Variants in CEP290 observed in about 807,000 individuals in gnomAD.
The protein encoded by CEP290 is centrosomal protein 290.
A neutral mutation model predicts 344.9 loss-of-function variants in CEP290; 317 were observed. That is an observed-to-expected ratio of 0.92 (90% CI 0.84 to 1.01). The LOEUF is 1.01. CEP290 is among the 50% of genes least tolerant of loss of function. The pLI, the probability that CEP290 is intolerant of heterozygous loss-of-function variation, is 0.00. For missense variants in CEP290, 2,754 were observed against 2,761.4 expected (o/e 1.00, Z 0.06); for synonymous variants, 932 against 895.8 (o/e 1.04, Z -0.72).
chr12:88,123,058 C>CT (rs1210724546), intron 13 of CEP290, among the ~76,000 whole-genome samples: 3 of 152,046 alleles, frequency 2.0e-5, no homozygotes, highest in African/African-American at 7.2e-5. Context: ...TCTATACACT[C>CT]TACCTTCTTT....
intron 20 of CEP290, 60 bp from the exon 21 acceptor site, chr12:88,111,918 AAC>A: frequency 5.7e-6 from 7 of 1,226,036 alleles, no homozygotes; most frequent in Non-Finnish European, 7.7e-6. Context: ...CATAGTAAAA[AAC>A]AGTCTGTCTT....
intron 38 of CEP290, 67 bp from the exon 39 acceptor site, chr12:88,079,296 T>C: frequency 8.0e-7 from 1 of 1,246,198 alleles, no homozygotes; most frequent in Non-Finnish European, 1.1e-6. Flanking sequence ...GAATATATGA[T>C]ATAAAAAATA....
chr12:88,089,642 C>T (rs1479001275), intron 30 of CEP290, among the ~76,000 whole-genome samples, 155 bp from the exon 31 acceptor site: 2 of 151,718 alleles, frequency 1.3e-5, no homozygotes, highest in African/African-American at 2.4e-5. Context: ...CAAATAATTA[C>T]CAAAGAACTG....
chr12:88,073,327 T>C (rs1565815431), intron 41 of CEP290, among the ~76,000 whole-genome samples: 3 of 152,198 alleles, frequency 2.0e-5, no homozygotes, highest in Non-Finnish European at 1.5e-5. Flanking sequence ...CAGTTGCCAA[T>C]AGAACACATT....
chr12:88,057,255 T>C (rs1381592857), intron 49 of CEP290, among the ~76,000 whole-genome samples: 1 of 152,192 alleles, frequency 6.6e-6, no homozygotes, highest in Non-Finnish European at 1.5e-5. Context: ...AATTAGGGTC[T>C]TTCAAAACCA....
chr12:88,071,305 TATATC>T lies in CEP290; in HGVS notation c.5995_5999del (p.Asp1999IlefsTer23), dbSNP rs2035355712. The T allele has an allele frequency of 6.2e-7, 1 of 1,604,476 alleles. No individual in the cohort carries two copies. Among genetic ancestry groups the T allele is most frequent in the African/African-American group, 1.3e-5 (1 of 74,600 alleles). On this transcript the variant is annotated frameshift_variant, in exon 43 of 54. Coordinates refer to ENST00000552810, the MANE Select transcript of CEP290 (RefSeq NM_025114.4). LOFTEE classifies it high-confidence loss of function. ...ACATAATAGCTTACCTCATATACAA[TATATC>T]ATTTTCTAAGTCAAGATTTCTCTTT...
At position 88,136,846 on chromosome 12, in the gene CEP290, TCAA is replaced by T. The variant is rs1308467376; in HGVS notation, c.298-63_298-61del. The T allele has an allele frequency of 1.6e-4, 226 of 1,425,914 alleles. 1 individual carries two copies. The highest frequency in any genetic ancestry group is 1.7e-4 in the Middle Eastern group (1 of 5,756). 88.3% of individuals were successfully genotyped at this position (1,425,914 alleles called of 1,614,324 possible). On this transcript the variant is annotated intron_variant, in intron 5 of 53. Transcript: ENST00000552810. Reference sequence around the variant, plus strand: ...CATTATATTTTGAGGTTCAAATGAGTCAACAACAAGCAAATAATTATGCTGAAT... The same window carrying T: ...CATTATATTTTGAGGTTCAAATGAGTCAACAAGCAAATAATTATGCTGAAT...
chr12:88,077,186 C>T (rs2035842527), intron 41 of CEP290, 36 bp downstream of exon 41: 2 of 1,580,746 alleles, frequency 1.3e-6, no homozygotes, highest in African/African-American at 1.4e-5. Context: ...TCTGTCACTA[C>T]CTTAAGCATA....
At chr12:88,050,773 G>T (rs1358869599) in intron 52 of CEP290, among the ~76,000 whole-genome samples, 1 of 152,178 alleles carries the variant, frequency 6.6e-6, no homozygotes, top group African/African-American at 2.4e-5. Context: ...AAAGCAGACT[G>T]TTGGGTAAGG....
At chr12:88,055,245 C>T (rs1180996278) in intron 50 of CEP290, among the ~76,000 whole-genome samples, 1 of 152,056 alleles carries the variant, frequency 6.6e-6, no homozygotes, top group Non-Finnish European at 1.5e-5. Context: ...GCTGAGATAC[C>T]AGCTTGGAAA....
chr12:88,070,146 G>A (rs1051506969), intron 43 of CEP290, among the ~76,000 whole-genome samples: 1 of 152,166 alleles, frequency 6.6e-6, no homozygotes, highest in African/African-American at 2.4e-5. Flanking sequence ...ATGGGGTGAT[G>A]CAGGGCAAGG....
At chr12:88,136,920 G>A (rs1035068701) in intron 5 of CEP290, 134 bp from the exon 6 acceptor site, 2 of 821,622 alleles carry the variant, frequency 2.4e-6, no homozygotes, top group African/African-American at 3.5e-5. Flanking sequence ...AATCATATTA[G>A]CTTAAGAACT....
Position 88,128,991 on chromosome 12 carries a change from A to C in CEP290, c.897T>G (p.Asp299Glu). Residue 299 changes from aspartate (D) to glutamate (E), a missense_variant, in exon 11 of 54, where the codon GAT becomes GAG. Transcript: ENST00000552810. ...CATTGACAGCTACCATAATTGGATCATCTTCTTCATTTTTTGATTTCAGAA... is the reference window on the plus strand; with the variant it reads ...CATTGACAGCTACCATAATTGGATCCTCTTCTTCATTTTTTGATTTCAGAA... ...TDLLKSKNEEDDPIMVAVNAK... is the reference protein window; with the variant it reads ...TDLLKSKNEEEDPIMVAVNAK... 6.5e-7 allele frequency: 1 copy of C among 1,539,708 alleles called. No homozygotes were observed. The highest frequency in any genetic ancestry group is 8.7e-7 in the Non-Finnish European group (1 of 1,153,160).
chr12:88,130,540 C>T lies in CEP290; in HGVS notation c.516+5G>A. On this transcript the variant is annotated splice_donor_5th_base_variant and intron_variant, in intron 8 of 53. Coordinates refer to ENST00000552810, the MANE Select transcript of CEP290 (RefSeq NM_025114.4). ...CCCAAGATTTCACCACACTTAAAGC[C>T]TCACCTTTTTCTTTAGACGTTTGTT... is the stretch of plus-strand genomic sequence containing the variant. 6.3e-7 allele frequency: 1 copy of T among 1,594,824 alleles called. No homozygotes were observed. Among genetic ancestry groups the T allele is most frequent in the Non-Finnish European group, 8.5e-7 (1 of 1,172,106 alleles).
Position 88,071,395 on chromosome 12 carries a change from A to G in CEP290, c.5910T>C (p.Thr1970=), listed in dbSNP as rs2136957326. The G allele has an allele frequency of 6.2e-7, 1 of 1,611,596 alleles. No individual in the cohort carries two copies. Among genetic ancestry groups the G allele is most frequent in the Non-Finnish European group, 8.5e-7 (1 of 1,178,648 alleles). ...LQRKLKTTGM[T]VDQVLGIRAL... Reference sequence around the variant, plus strand: ...CTCGTATTCCCAAAACCTGATCAACAGTCATGCCAGTTGTTTTTAGTTTCC... The same window carrying G: ...CTCGTATTCCCAAAACCTGATCAACGGTCATGCCAGTTGTTTTTAGTTTCC... The change falls in exon 43 of 54, where the codon ACT becomes ACC. Residue 1970 remains threonine, a synonymous_variant. Transcript: ENST00000552810.
rs1481891599 is a variant in CEP290, at chr12:88,077,916, T to A, written c.5367A>T (p.Thr1789=). The change falls in exon 40 of 54, where the codon ACA becomes ACT. Residue 1789 remains threonine, a splice_region_variant and synonymous_variant. Coordinates refer to ENST00000552810, the MANE Select transcript of CEP290 (RefSeq NM_025114.4). ...IVDRHTRELK[T]QVEDLNENLL... ...GATTTTCATTTAAATCTTCAACTTG[T>A]GTCTAATAAGAGAAAAAGAAAGGTA... 1.4e-5 allele frequency: 18 copies of A among 1,252,852 alleles called. No individual in the cohort carries two copies. The highest frequency in any genetic ancestry group is 2.0e-5 in the Non-Finnish European group (18 of 905,788). The allele number at this position is 1,252,852 out of a possible 1,614,324, so 77.6% of individuals were successfully genotyped here.
intron 18 of CEP290, chr12:88,116,027 A>G (rs1333419647): frequency 3.0e-6 from 3 of 985,196 alleles, no homozygotes; most frequent in Non-Finnish European, 3.6e-6. Context: ...TGTCAGCTCT[A>G]TTTTCATGAA....
At chr12:88,079,038 C>T in intron 39 of CEP290, 54 bp downstream of exon 39, 3 of 1,448,522 alleles carry the variant, frequency 2.1e-6, no homozygotes, top group Non-Finnish European at 2.7e-6. Context: ...AGTGAATTCT[C>T]TTCCAATAGG....
rs1254734687 is a variant in CEP290, at chr12:88,084,679, A to C, written c.4611T>G (p.Ile1537Met). ...GCATGTTTGCAATGGTTTGATGAGC[A>C]ATTTTCAATGTGTGGTGAGATTTTG... ...MEPKSHHTLK[I>M]AHQTIANMQA... is the part of the protein sequence containing the mutation. Residue 1537 changes from isoleucine (I) to methionine (M), a missense_variant, in exon 35 of 54, where the codon ATT (isoleucine) becomes ATG (methionine). Ile to Met is a conservative substitution (Grantham distance 10). Coordinates refer to ENST00000552810, the MANE Select transcript of CEP290 (RefSeq NM_025114.4). 6.2e-7 allele frequency: 1 copy of C among 1,613,766 alleles called. No individual in the cohort carries two copies. Among genetic ancestry groups the C allele is most frequent in the South Asian group, 1.1e-5 (1 of 91,078 alleles).
Sources: allele counts gnomAD v4.1 joint callset (sites outside exome capture counted in the v4.1 genomes callset), GRCh38; gene constraint gnomAD v4.1.1; transcripts MANE v1.5; gene names NCBI Gene and HGNC (gene_info 2026-07-23, HGNC 2026-07-21).